The following ZNF98 variants were observed in gnomAD, a reference collection of about 807,000 sequenced individuals.
The protein encoded by ZNF98 is zinc finger protein 739.
A neutral mutation model predicts 12.8 loss-of-function variants in ZNF98; 8 were observed. The observed-to-expected ratio is 0.63, with a 90% CI of 0.37 to 1.13. ZNF98 has a LOEUF of 1.13. Ranked by LOEUF, ZNF98 falls within the 50% of genes most tolerant of loss-of-function variation. The pLI, the probability that ZNF98 is intolerant of heterozygous loss-of-function variation, is 0.01. For missense variants in ZNF98, 379 were observed against 666.1 expected (o/e 0.57, Z 4.74); for synonymous variants, 112 against 223.5 (o/e 0.50, Z 4.45).
intron 1 of ZNF98, among the ~76,000 whole-genome samples, chr19:22,407,407 T>C (rs1969532408): frequency 6.6e-6 from 1 of 151,406 alleles, no homozygotes; most frequent in Non-Finnish European, 1.5e-5. Context: ...CTGATTTTTT[T>C]TTTTTGGAGG....
chr19:22,396,628 A>C (rs1041715529), intron 3 of ZNF98, among the ~76,000 whole-genome samples: 6 of 152,100 alleles, frequency 3.9e-5, no homozygotes, highest in African/African-American at 1.4e-4. Context: ...TTTTTTCTAC[A>C]AGAGTCAGTA....
chr19:22,412,901 A>G (rs563046363), intron 1 of ZNF98, among the ~76,000 whole-genome samples: 108 of 151,898 alleles, frequency 7.1e-4, no homozygotes, highest in African/African-American at 2.6e-3. Flanking sequence ...AAATACAAAA[A>G]AATTAGCCAG....
chr19:22,418,074 A>G (rs1259456112), intron 1 of ZNF98, among the ~76,000 whole-genome samples: 2 of 152,152 alleles, frequency 1.3e-5, no homozygotes, highest in Non-Finnish European at 2.9e-5. Context: ...ACATCAAGAC[A>G]TTCTCCAACA....
At chr19:22,409,608 A>C (rs1599388634) in intron 1 of ZNF98, among the ~76,000 whole-genome samples, 1 of 152,124 alleles carries the variant, frequency 6.6e-6, no homozygotes, top group African/African-American at 2.4e-5. Flanking sequence ...AAAACAAACA[A>C]TTCCATCAAA....
chr19:22,406,310 T>C (rs1205927684), intron 1 of ZNF98, among the ~76,000 whole-genome samples: 3 of 151,856 alleles, frequency 2.0e-5, no homozygotes, highest in African/African-American at 7.3e-5. Flanking sequence ...TTGAGTATTA[T>C]CTCCAGGTGC....
At chr19:22,412,255 T>C (rs1335842325) in intron 1 of ZNF98, among the ~76,000 whole-genome samples, 1 of 151,958 alleles carries the variant, frequency 6.6e-6, no homozygotes, top group African/African-American at 2.4e-5. Context: ...AAAAAGTAAT[T>C]CAATACAAAG....
chr19:22,395,814 A>C (rs1404459385), intron 3 of ZNF98, among the ~76,000 whole-genome samples: 1 of 151,966 alleles, frequency 6.6e-6, no homozygotes, highest in African/African-American at 2.4e-5. Context: ...TAACCAGTGA[A>C]TTATCAACAA....
intron 1 of ZNF98, among the ~76,000 whole-genome samples, chr19:22,403,901 A>G (rs1267007589): frequency 6.6e-6 from 1 of 152,256 alleles, no homozygotes; most frequent in Non-Finnish European, 1.5e-5. Context: ...AATAAACTGG[A>G]GATCTTGTTA....
At chr19:22,413,086 AAAT>A (rs1482147577) in intron 1 of ZNF98, among the ~76,000 whole-genome samples, 1 of 151,846 alleles carries the variant, frequency 6.6e-6, no homozygotes, top group Non-Finnish European at 1.5e-5. Context: ...AAATAAAAAA[AAAT>A]AATAATAATG....
chr19:22,393,010 T>A, intron 3 of ZNF98, 29 bp from the exon 4 acceptor site: 1 of 1,456,848 alleles, frequency 6.9e-7, no homozygotes, highest in Non-Finnish European at 9.0e-7. Context: ...ATAAATTACT[T>A]CACTTACTAG....
intron 1 of ZNF98, among the ~76,000 whole-genome samples, chr19:22,403,872 C>T (rs1375975433): frequency 2.6e-5 from 4 of 152,222 alleles, no homozygotes; most frequent in Non-Finnish European, 5.9e-5. Context: ...GAAAATACTG[C>T]TCACATGTTA....
intron 3 of ZNF98, among the ~76,000 whole-genome samples, chr19:22,396,713 A>G: frequency 6.6e-6 from 1 of 152,202 alleles, no homozygotes. Flanking sequence ...ATCAAATGAG[A>G]GCAGAAGAAA....
intron 1 of ZNF98, among the ~76,000 whole-genome samples, chr19:22,420,668 T>C (rs1369308046): frequency 6.6e-6 from 1 of 151,390 alleles, no homozygotes; most frequent in Non-Finnish European, 1.5e-5. Context: ...GAGCTGATAT[T>C]CACTAGATAC....
chr19:22,408,719 C>G (rs1322831017), intron 1 of ZNF98, among the ~76,000 whole-genome samples: 3 of 152,046 alleles, frequency 2.0e-5, no homozygotes, highest in African/African-American at 7.2e-5. Context: ...TATAAAAATA[C>G]AGCTAACAGG....
intron 2 of ZNF98, 114 bp downstream of exon 2, chr19:22,403,271 CA>C (rs372576912): frequency 0.019 from 18,708 of 1,002,220 alleles, 438 homozygotes; most frequent in African/African-American, 0.16. Flanking sequence ...AAAAAAAAAA[CA>C]AAAAAAAAAA....
chr19:22,401,246 A>G (rs1969453675), intron 3 of ZNF98, among the ~76,000 whole-genome samples: 1 of 152,110 alleles, frequency 6.6e-6, no homozygotes, highest in East Asian at 1.9e-4. Flanking sequence ...ATTACACTCA[A>G]TAAGTTAGCA....
chr19:22,405,477 T>G (rs955664660), intron 1 of ZNF98, among the ~76,000 whole-genome samples: 2 of 151,940 alleles, frequency 1.3e-5, no homozygotes, highest in African/African-American at 2.4e-5. Flanking sequence ...GCAACCCACC[T>G]GAGAGCCATA....
intron 1 of ZNF98, among the ~76,000 whole-genome samples, chr19:22,407,569 GGGTGTGGT>G (rs1489632646): frequency 5.3e-5 from 8 of 151,414 alleles, no homozygotes; most frequent in African/African-American, 1.9e-4. Flanking sequence ...AAATTTAGCT[GGGTGTGGT>G]GGCTCACGCC....
At chr19:22,418,597 G>A (rs1307056472) in intron 1 of ZNF98, among the ~76,000 whole-genome samples, 2 of 152,194 alleles carry the variant, frequency 1.3e-5, no homozygotes, top group Admixed American at 6.5e-5. Flanking sequence ...AAAATCAGCT[G>A]GCTGGGAGCA....
Sources: gnomAD v4.1 joint callset for allele counts (sites outside exome capture counted in the v4.1 genomes callset) on GRCh38, gnomAD v4.1.1 for gene constraint, MANE v1.5 for transcripts, NCBI Gene and HGNC (gene_info 2026-07-23, HGNC 2026-07-21) for gene names.